The following NGEF variants were observed in gnomAD, a reference collection of about 807,000 sequenced individuals.
NGEF encodes the protein neuronal guanine nucleotide exchange factor, also known as ephexin-1.
In NGEF, 31 loss-of-function variants were observed where a neutral mutation model predicts 80.9. The observed-to-expected ratio is 0.38, with a 90% CI of 0.29 to 0.52. The LOEUF is 0.52. Among genes scored for constraint, NGEF ranks in the 20% least tolerant of loss-of-function variants. The pLI is 0.84. For synonymous variants in NGEF, 371 were observed against 370.2 expected (o/e 1.00, Z -0.03); for missense variants, 709 against 926.2 (o/e 0.77, Z 3.04).
chr2:232,899,396 A>C (rs1692202589), intron 5 of NGEF, among the ~76,000 whole-genome samples: 1 of 152,150 alleles, frequency 6.6e-6, no homozygotes, highest in Admixed American at 6.5e-5. Context: ...GGCTTTCCTA[A>C]GCCCATTCCT....
chr2:232,899,626 TCA>T (rs202240332), intron 5 of NGEF, among the ~76,000 whole-genome samples: 10,288 of 137,340 alleles, frequency 0.075, 604 homozygotes, highest in East Asian at 0.18. Context: ...ACACATGCTC[TCA>T]CAGTCACTCA....
intron 3 of NGEF, chr2:232,969,983 A>G (rs1694152107): frequency 7.8e-6 from 2 of 257,650 alleles, no homozygotes; most frequent in South Asian, 1.7e-4. Context: ...TGGGTAACAT[A>G]GCAAGACCAC....
chr2:232,967,298 C>T (rs965155687), intron 3 of NGEF, among the ~76,000 whole-genome samples: 6 of 152,094 alleles, frequency 3.9e-5, no homozygotes, highest in African/African-American at 1.4e-4. Context: ...CCTGTATAGC[C>T]TGCAGAGCTG....
At chr2:232,977,883 TGTG>T (rs988571327) in intron 1 of NGEF, among the ~76,000 whole-genome samples, 4 of 151,984 alleles carry the variant, frequency 2.6e-5, no homozygotes, top group African/African-American at 9.7e-5. Context: ...GTCAGTGACT[TGTG>T]GTGGTTTTGA....
chr2:232,889,533 G>A (rs1691809296), intron 8 of NGEF, among the ~76,000 whole-genome samples: 1 of 152,068 alleles, frequency 6.6e-6, no homozygotes, highest in African/African-American at 2.4e-5. Flanking sequence ...AGAAGCTAAG[G>A]TTTTAATATA....
In NGEF at chr2:232,986,949, A is replaced by AG. The variant is rs377619948; in HGVS notation, c.-74-11986dup. Among the ~76,000 whole-genome samples, 482 of 152,332 alleles carry AG rather than the reference A, an allele frequency of 3.2e-3. 3 individuals are homozygous for AG. Among genetic ancestry groups the AG allele is most frequent in the African/African-American group, 0.011 (464 of 41,580 alleles). On this transcript the variant is annotated intron_variant, in intron 1 of 14. Coordinates refer to ENST00000264051, the MANE Select transcript of NGEF (RefSeq NM_019850.3). Reference sequence around the variant, plus strand: ...TTTATAAGTCAAAAGACAAAATTAGAGGGGAAACATATACAGCAGGAAGCA... The same window carrying AG: ...TTTATAAGTCAAAAGACAAAATTAGAGGGGGAAACATATACAGCAGGAAGCA...
At position 232,907,188 on chromosome 2, in the gene NGEF, G is replaced by GAAAAAAAAAAAAAAAA. The variant is rs10654316; in HGVS notation, c.829-12273_829-12272insTTTTTTTTTTTTTTTT. On this transcript the variant is annotated intron_variant, in intron 5 of 14. Coordinates refer to ENST00000264051, the MANE Select transcript of NGEF (RefSeq NM_019850.3). ...AAAAAAAAAAAGAAAAGAAAAAAAA[G>GAAAAAAAAAAAAAAAA]AAAAAAAAAAAAAAAGGAGGAAAAC... Among the ~76,000 whole-genome samples the GAAAAAAAAAAAAAAAA allele has an allele frequency of 4.2e-4, 48 of 112,976 alleles. 2 individuals are homozygous for GAAAAAAAAAAAAAAAA. The highest frequency in any genetic ancestry group is 4.9e-4 in the Admixed American group (5 of 10,108). 74.1% of individuals were successfully genotyped at this position (112,976 alleles called of 152,430 possible).
intron 3 of NGEF, among the ~76,000 whole-genome samples, chr2:232,942,617 C>G (rs1223255425): frequency 6.6e-6 from 1 of 152,172 alleles, no homozygotes; most frequent in Non-Finnish European, 1.5e-5. Flanking sequence ...CAACTCACGC[C>G]TGTAATCCCA....
intron 5 of NGEF, among the ~76,000 whole-genome samples, chr2:232,899,337 G>A (rs138351801): frequency 0.011 from 1,702 of 152,236 alleles, 14 homozygotes; most frequent in Middle Eastern, 0.031. Context: ...GTCTGGGAAT[G>A]GCGCTCTCAG....
Position 232,906,682 on chromosome 2 carries a change from A to G in NGEF, c.829-11766T>C, listed in dbSNP as rs1386261658. On this transcript the variant is annotated intron_variant, in intron 5 of 14. Transcript: ENST00000264051. ...GGCCACCACCCCATCTGGGAGGTGT[A>G]CCCAACAGCTCATTGAGAACGGGCC... Among the ~76,000 whole-genome samples, 13 of 131,222 alleles carry G rather than the reference A, an allele frequency of 9.9e-5. 2 individuals are homozygous for G. Among genetic ancestry groups the G allele is most frequent in the Non-Finnish European group, 3.3e-5 (2 of 61,082 alleles). The allele number at this position is 131,222 out of a possible 152,430, so 86.1% of individuals were successfully genotyped here.
At chr2:232,954,639 G>A (rs1693758310) in intron 3 of NGEF, among the ~76,000 whole-genome samples, 1 of 151,968 alleles carries the variant, frequency 6.6e-6, no homozygotes, top group Non-Finnish European at 1.5e-5. Context: ...GCAGGACAAT[G>A]GAGTGAACCT....
rs547736458 is a variant in NGEF at position 232,884,284 on chromosome 2, G to A, written c.1438-140C>T. 115 of 942,986 alleles carry A rather than the reference G, an allele frequency of 1.2e-4. No homozygotes were observed. The Middle Eastern group carries it at 1.3e-3, about 11-fold the overall frequency. The allele number at this position is 942,986 out of a possible 1,614,324, so 58.4% of individuals were successfully genotyped here. The stretch of plus-strand genomic sequence containing the variant: ...GAGGCACAAGTTGGGGGGAAAGGCC[G>A]AGTTCTGGACGGATGCAGAGAGATG... On this transcript the variant is annotated intron_variant, in intron 10 of 14. Coordinates refer to ENST00000264051, the MANE Select transcript of NGEF (RefSeq NM_019850.3).
chr2:232,904,747 T>C (rs1692450046), intron 5 of NGEF, among the ~76,000 whole-genome samples: 1 of 152,026 alleles, frequency 6.6e-6, no homozygotes, highest in Admixed American at 6.5e-5. Flanking sequence ...AGTTGGAGAA[T>C]AGCCCAGGCG....
intron 1 of NGEF, among the ~76,000 whole-genome samples, chr2:232,988,432 T>A (rs982246538): frequency 7.9e-5 from 12 of 152,190 alleles, no homozygotes; most frequent in Admixed American, 7.2e-4. Flanking sequence ...CTGAGATGTC[T>A]TTTTTCACTT....
chr2:232,917,638 T>C (rs1412649946), intron 5 of NGEF, among the ~76,000 whole-genome samples: 2 of 151,928 alleles, frequency 1.3e-5, no homozygotes, highest in Non-Finnish European at 2.9e-5. Flanking sequence ...CCTGGCTAAT[T>C]TTTTGTATTT....
intron 3 of NGEF, among the ~76,000 whole-genome samples, chr2:232,964,235 T>C (rs530182130): frequency 6.6e-6 from 1 of 152,326 alleles, no homozygotes; most frequent in South Asian, 2.1e-4. Flanking sequence ...AGTCCACTCC[T>C]GGGTATACAC....
At chr2:232,900,434 A>T (rs1219966489) in intron 5 of NGEF, among the ~76,000 whole-genome samples, 1 of 46,392 alleles carries the variant, frequency 2.2e-5, no homozygotes, top group Non-Finnish European at 4.3e-5. Context: ...ACATGCTCTC[A>T]CAGTCACTCA....
At chr2:232,915,493 C>T (rs111377688) in intron 5 of NGEF, among the ~76,000 whole-genome samples, 18 of 152,224 alleles carry the variant, frequency 1.2e-4, no homozygotes, top group Non-Finnish European at 2.6e-4. Flanking sequence ...CATTACATGT[C>T]GTGTTCAGCA....
intron 3 of NGEF, among the ~76,000 whole-genome samples, chr2:232,965,315 G>A (rs941213127): frequency 2.0e-5 from 3 of 152,120 alleles, no homozygotes; most frequent in Non-Finnish European, 4.4e-5. Flanking sequence ...AGAGCAAAAT[G>A]GACTTCAATA....
Sources: gnomAD v4.1 joint callset for allele counts (sites outside exome capture counted in the v4.1 genomes callset) on GRCh38, gnomAD v4.1.1 for gene constraint, MANE v1.5 for transcripts, NCBI Gene and HGNC (gene_info 2026-07-23, HGNC 2026-07-21) for gene names.